Variants in BCAR3 observed in about 807,000 individuals in gnomAD.
The protein encoded by BCAR3 is breast cancer anti-estrogen resistance protein 3.
BCAR3 carries 37 observed loss-of-function variants against 80.1 expected under a neutral mutation model. The ratio of observed to expected loss-of-function variants is 0.46; its 90% CI spans 0.36 to 0.61. BCAR3 has a LOEUF of 0.61. Among genes scored for constraint, BCAR3 ranks in the 20% least tolerant of loss-of-function variants. BCAR3 has a pLI of 0.00. For missense variants in BCAR3, 978 were observed against 1,068.2 expected (o/e 0.92, Z 1.18); for synonymous variants, 389 against 418.9 (o/e 0.93, Z 0.87).
At chr1:93,656,951 T>C (rs1647416584) in intron 2 of BCAR3, among the ~76,000 whole-genome samples, 1 of 152,210 alleles carries the variant, frequency 6.6e-6, no homozygotes, top group Non-Finnish European at 1.5e-5. Context: ...TTTTCCAGTG[T>C]GTATGGTTGT....
intron 2 of BCAR3, among the ~76,000 whole-genome samples, chr1:93,788,640 C>T (rs1438017249): frequency 6.6e-6 from 1 of 152,170 alleles, no homozygotes; most frequent in Non-Finnish European, 1.5e-5. Context: ...GATTGGACCC[C>T]GATCCCATTG....
At chr1:93,696,353 G>T (rs543348418) in intron 3 of BCAR3, among the ~76,000 whole-genome samples, 57 of 152,184 alleles carry the variant, frequency 3.7e-4, no homozygotes, top group African/African-American at 1.3e-3. Context: ...GCCCAAGCTG[G>T]AACCCTGGGA....
chr1:93,663,346 C>A (rs987003189), intron 2 of BCAR3, among the ~76,000 whole-genome samples: 10 of 152,194 alleles, frequency 6.6e-5, no homozygotes, highest in African/African-American at 2.2e-4. Context: ...CATGACCCGA[C>A]CTTCCCTGGG....
intron 2 of BCAR3, chr1:93,752,984 A>G (rs536776872): frequency 6.6e-6 from 1 of 152,216 alleles, no homozygotes; most frequent in Non-Finnish European, 1.5e-5. Context: ...GATATCTCAC[A>G]GATGGCCCGT....
At chr1:93,823,194 G>A (rs141652613) in intron 2 of BCAR3, among the ~76,000 whole-genome samples, 4 of 134,024 alleles carry the variant, frequency 3.0e-5, no homozygotes, top group African/African-American at 1.0e-4. Context: ...AACCTACCAG[G>A]AGGCACCTTC....
At chr1:93,571,465 G>T in intron 9 of BCAR3, 1 of 553,360 alleles carries the variant, frequency 1.8e-6, no homozygotes, top group Non-Finnish European at 3.1e-6. Context: ...GCCACTGCTA[G>T]CCTAGGTGGC....
chr1:93,669,017 ATTTTTT>A (rs556937806), intron 2 of BCAR3, among the ~76,000 whole-genome samples: 1 of 149,092 alleles, frequency 6.7e-6, no homozygotes, highest in Non-Finnish European at 1.5e-5. Context: ...CCGGCCCAAG[ATTTTTT>A]TTTTTAACTC....
chr1:93,807,430 A>C (rs1653693126), intron 2 of BCAR3, among the ~76,000 whole-genome samples: 1 of 152,126 alleles, frequency 6.6e-6, no homozygotes, highest in African/African-American at 2.4e-5. Context: ...TGTGGGAGTA[A>C]ATGATTTTCA....
At chr1:93,766,105 C>T (rs760304232) in intron 2 of BCAR3, among the ~76,000 whole-genome samples, 4 of 152,202 alleles carry the variant, frequency 2.6e-5, no homozygotes, top group Non-Finnish European at 5.9e-5. Context: ...CTGCCAATCG[C>T]TGGCAACCAC....
intron 1 of BCAR3, among the ~76,000 whole-genome samples, chr1:93,677,374 G>C (rs1648535987): frequency 6.6e-6 from 1 of 152,182 alleles, no homozygotes; most frequent in Admixed American, 6.5e-5. Context: ...AAGCAACTTA[G>C]GTTAGCATCA....
intron 3 of BCAR3, among the ~76,000 whole-genome samples, chr1:93,701,984 C>T (rs1649660377): frequency 6.6e-6 from 1 of 152,164 alleles, no homozygotes; most frequent in Non-Finnish European, 1.5e-5. Context: ...CCCAGGCCAT[C>T]CAGGAGCCTG....
At chr1:93,635,632 A>T (rs1488698770) in intron 3 of BCAR3, among the ~76,000 whole-genome samples, 1 of 152,242 alleles carries the variant, frequency 6.6e-6, no homozygotes, top group Non-Finnish European at 1.5e-5. Context: ...TGTGGGCCCC[A>T]GAGCGGGCCA....
chr1:93,832,304 T>G (rs927871186), intron 2 of BCAR3, among the ~76,000 whole-genome samples: 1 of 152,162 alleles, frequency 6.6e-6, no homozygotes, highest in African/African-American at 2.4e-5. Flanking sequence ...CAGGCATTCC[T>G]CCAGGACTGC....
Position 93,592,307 on chromosome 1 carries a change from G to A in BCAR3, c.444C>T (p.Asp148=), listed in dbSNP as rs746761091. Residue 148 remains aspartate, a synonymous_variant, in exon 4 of 12, where the codon GAC becomes GAT. Transcript: ENST00000260502. This position sits in a 1 kb window ranked among gnomAD's most constrained non-coding sequence, Gnocchi z 4.8. ...CGTGGTACCAGGCATGGCTGCGCAG[G>A]TCCTCGCTGCTCAGGAGCAGCTCCT... is the stretch of plus-strand genomic sequence containing the variant. The part of the protein sequence containing the change: ...LEEELLLSSE[D]LRSHAWYHGR... The A allele has an allele frequency of 1.2e-6, 2 of 1,612,444 alleles. No homozygotes were observed. Among genetic ancestry groups the A allele is most frequent in the Admixed American group, 1.7e-5 (1 of 59,994 alleles).
intron 8 of BCAR3, among the ~76,000 whole-genome samples, chr1:93,574,870 A>G (rs1489352647): frequency 6.6e-6 from 1 of 152,214 alleles, no homozygotes; most frequent in East Asian, 1.9e-4. Flanking sequence ...ATTCCCGAAC[A>G]AAATCCGCAT....
At chr1:93,743,990 T>C (rs894636656) in intron 2 of BCAR3, among the ~76,000 whole-genome samples, 1 of 152,134 alleles carries the variant, frequency 6.6e-6, no homozygotes, top group Admixed American at 6.5e-5. Flanking sequence ...GGAAGACCCA[T>C]GGATCTAACC....
intron 2 of BCAR3, among the ~76,000 whole-genome samples, chr1:93,826,503 C>T (rs979755040): frequency 2.0e-5 from 3 of 152,198 alleles, no homozygotes; most frequent in Non-Finnish European, 4.4e-5. Flanking sequence ...CTATTTGTCT[C>T]TCCCTTTCAC....
At chr1:93,846,973 C>CG (rs1446849185) in intron 1 of BCAR3, 2 of 226,980 alleles carry the variant, frequency 8.8e-6, no homozygotes, top group African/African-American at 6.5e-4. Context: ...ACAGACGTCG[C>CG]GCGGCGGCGC....
At chr1:93,684,409 C>T (rs1482988060), upstream of BCAR3, among the ~76,000 whole-genome samples, 1 of 152,170 alleles carries the variant, frequency 6.6e-6, no homozygotes, top group East Asian at 1.9e-4. Flanking sequence ...CCCTCCATTT[C>T]CTCATGAGTA....
Sources: gnomAD v4.1 joint callset for allele counts (sites outside exome capture counted in the v4.1 genomes callset) on GRCh38, gnomAD v4.1.1 for gene constraint, Gnocchi (gnomAD v3.1) non-coding constraint, MANE v1.5 for transcripts, NCBI Gene and HGNC (gene_info 2026-07-23, HGNC 2026-07-21) for gene names.